PTPRZ1: variants seen among roughly 807,000 people sequenced by gnomAD.
PTPRZ1 encodes receptor-type tyrosine-protein phosphatase zeta.
A neutral mutation model predicts 214.1 loss-of-function variants in PTPRZ1; 82 were observed. The observed-to-expected ratio is 0.38, with a 90% CI of 0.32 to 0.46. PTPRZ1 has a LOEUF of 0.46. PTPRZ1 is among the 20% of genes least tolerant of loss of function. The pLI is 1.00. For missense variants in PTPRZ1, 2,603 were observed against 2,748.7 expected (o/e 0.95, Z 1.19); for synonymous variants, 945 against 987.9 (o/e 0.96, Z 0.81).
At chr7:121,936,058 G>A (rs1796078410) in intron 2 of PTPRZ1, among the ~76,000 whole-genome samples, 2 of 152,174 alleles carry the variant, frequency 1.3e-5, no homozygotes, top group Non-Finnish European at 1.5e-5. Flanking sequence ...ATAATTTTAT[G>A]TTGACCTGTG....
intron 13 of PTPRZ1, among the ~76,000 whole-genome samples, chr7:122,024,337 A>T (rs1286161888): frequency 6.6e-6 from 1 of 152,106 alleles, no homozygotes; most frequent in Non-Finnish European, 1.5e-5. Flanking sequence ...CACACTATCA[A>T]AAGCAATATA....
chr7:122,019,743 T>G (rs959646452), intron 13 of PTPRZ1, among the ~76,000 whole-genome samples: 1 of 152,146 alleles, frequency 6.6e-6, no homozygotes, highest in African/African-American at 2.4e-5. Flanking sequence ...ACTATAAATA[T>G]AATTAGAGAC....
intron 15 of PTPRZ1, among the ~76,000 whole-genome samples, chr7:122,033,223 T>C (rs1432583984): frequency 6.6e-6 from 1 of 152,094 alleles, no homozygotes; most frequent in Non-Finnish European, 1.5e-5. Flanking sequence ...AATAGCGTTA[T>C]ACCTTTTAAG....
At chr7:121,904,569 GTAAT>G (rs1458488361) in intron 1 of PTPRZ1, among the ~76,000 whole-genome samples, 1 of 152,044 alleles carries the variant, frequency 6.6e-6, no homozygotes, top group Non-Finnish European at 1.5e-5. Flanking sequence ...AACACAGTAA[GTAAT>G]CTCAACATTT....
chr7:122,029,069 G>A (rs1799291429), intron 14 of PTPRZ1, among the ~76,000 whole-genome samples: 2 of 150,488 alleles, frequency 1.3e-5, no homozygotes, highest in Non-Finnish European at 3.0e-5. Context: ...GTTCCTTTCT[G>A]ATTACTTGAG....
intron 2 of PTPRZ1, among the ~76,000 whole-genome samples, chr7:121,947,228 C>T (rs769591884): frequency 6.6e-6 from 1 of 151,128 alleles, no homozygotes; most frequent in African/African-American, 2.4e-5. Context: ...CTGTTCTGTA[C>T]TTGAACCTTT....
At chr7:121,900,577 T>C (rs1431025432) in intron 1 of PTPRZ1, among the ~76,000 whole-genome samples, 1 of 152,192 alleles carries the variant, frequency 6.6e-6, no homozygotes, top group African/African-American at 2.4e-5. Flanking sequence ...TGTATCTGTT[T>C]GTAGGGGGAA....
intron 21 of PTPRZ1, 80 bp from the exon 22 acceptor site, chr7:122,042,528 A>G: frequency 1.5e-6 from 2 of 1,358,756 alleles, no homozygotes; most frequent in East Asian, 2.5e-5. Context: ...TTTAATCAAC[A>G]TGACAACCAG....
intron 8 of PTPRZ1, among the ~76,000 whole-genome samples, chr7:121,991,758 C>A (rs777431838): frequency 1.3e-5 from 2 of 152,210 alleles, no homozygotes; most frequent in African/African-American, 2.4e-5. Context: ...AGAAAGACTT[C>A]TTTTGGCTAT....
At chr7:121,953,098 T>C (rs1350146554) in intron 2 of PTPRZ1, among the ~76,000 whole-genome samples, 3 of 152,218 alleles carry the variant, frequency 2.0e-5, no homozygotes, top group Admixed American at 6.5e-5. Flanking sequence ...ACTTTTAAGA[T>C]TTTAAAAAGT....
intron 6 of PTPRZ1, among the ~76,000 whole-genome samples, chr7:121,978,758 C>G (rs544888281): frequency 6.6e-6 from 1 of 152,158 alleles, no homozygotes; most frequent in East Asian, 1.9e-4. Flanking sequence ...TCCTTCATGC[C>G]TATCCACTCA....
chr7:121,875,476 G>A (rs1004333200), intron 1 of PTPRZ1, among the ~76,000 whole-genome samples: 3 of 152,128 alleles, frequency 2.0e-5, no homozygotes, highest in African/African-American at 4.8e-5. Context: ...ATTATTTGTA[G>A]CCTATTTTTG....
intron 13 of PTPRZ1, among the ~76,000 whole-genome samples, chr7:122,019,622 T>C (rs567197949): frequency 6.9e-6 from 1 of 145,286 alleles, no homozygotes; most frequent in Non-Finnish European, 1.5e-5. Context: ...ATTTTTTATA[T>C]AATAACAAGT....
intron 1 of PTPRZ1, among the ~76,000 whole-genome samples, chr7:121,919,474 TA>T (rs1795526492): frequency 6.6e-6 from 1 of 152,108 alleles, no homozygotes; most frequent in Admixed American, 6.5e-5. Flanking sequence ...CATTTCTCTA[TA>T]CAAGTTTTAA....
At chr7:121,943,673 T>G (rs1234348056) in intron 2 of PTPRZ1, among the ~76,000 whole-genome samples, 2 of 152,116 alleles carry the variant, frequency 1.3e-5, no homozygotes, top group African/African-American at 4.8e-5. Flanking sequence ...TTCCTAAATT[T>G]TAGAGACCAT....
intron 1 of PTPRZ1, among the ~76,000 whole-genome samples, chr7:121,896,124 A>G (rs1235147884): frequency 6.6e-6 from 1 of 152,242 alleles, no homozygotes; most frequent in East Asian, 1.9e-4. Flanking sequence ...TTAAAAAGGA[A>G]CACATTAACA....
Position 122,031,511 on chromosome 7 carries a change from G to A in PTPRZ1, c.5118G>A (p.Lys1706=). ...VGAIPIKHFP[K]HVADLHASSG... ...CAATTCCAATAAAGCACTTTCCAAA[G>A]CATGTTGCAGATTTACATGCAAGTA... Residue 1706 remains lysine (K), a synonymous_variant, in exon 15 of 30, where the codon AAG becomes AAA. Transcript: ENST00000393386. 6.2e-7 allele frequency: 1 copy of A among 1,611,298 alleles called. No individual in the cohort carries two copies. The highest frequency in any genetic ancestry group is 8.5e-7 in the Non-Finnish European group (1 of 1,178,432).
intron 1 of PTPRZ1, among the ~76,000 whole-genome samples, chr7:121,878,575 G>A (rs1794135368): frequency 6.6e-6 from 1 of 152,124 alleles, no homozygotes; most frequent in South Asian, 2.1e-4. Context: ...TAGCCTTTAT[G>A]GACTGAGGTT....
At position 122,040,929 on chromosome 7, in the gene PTPRZ1, G is replaced by C; in HGVS notation, c.5751G>C (p.Lys1917Asn). 1.2e-6 allele frequency: 2 copies of C among 1,601,954 alleles called. No individual in the cohort carries two copies. Among genetic ancestry groups the C allele is most frequent in the Non-Finnish European group, 1.7e-6 (2 of 1,170,940 alleles). The change falls in exon 21 of 30, where the codon AAG becomes AAC. Residue 1917 changes from lysine (K) to asparagine (N), a missense_variant. Physicochemically the swap from Lys to Asn is moderately conservative, Grantham distance 94 (BLOSUM62 0). Coordinates refer to ENST00000393386, the MANE Select transcript of PTPRZ1 (RefSeq NM_002851.3). ...YSLPVLTFVRKAAYAKRHAVG... is the reference protein window; with the variant it reads ...YSLPVLTFVRNAAYAKRHAVG... ...TGCCAGTGCTGACCTTTGTGAGAAA[G>C]GCAGCCTATGCCAAGCGCCATGCAG...
Sources: allele counts gnomAD v4.1 joint callset (sites outside exome capture counted in the v4.1 genomes callset), GRCh38; gene constraint gnomAD v4.1.1; transcripts MANE v1.5; gene names NCBI Gene and HGNC (gene_info 2026-07-23, HGNC 2026-07-21).